IL9R: variants seen among roughly 807,000 people sequenced by gnomAD.
IL9R encodes interleukin-9 receptor.
A neutral mutation model predicts 56.3 loss-of-function variants in IL9R; 54 were observed. That is an observed-to-expected ratio of 0.96 (90% confidence interval 0.77 to 1.20). The LOEUF (loss-of-function observed/expected upper bound fraction) is 1.20, where lower values mean the gene tolerates loss of function less well. Ranked by LOEUF, IL9R falls within the 50% of genes most tolerant of loss-of-function variation. The pLI is 0.00. For synonymous variants in IL9R, 212 were observed against 250.2 expected, an observed-to-expected ratio of 0.85 and a Z score of 1.44; for missense variants, 545 against 629.8, an observed-to-expected ratio of 0.87 and a Z score of 1.44.
At chrX:156,004,672 G>A in intron 5 of IL9R, 107 bp downstream of exon 5, 1 of 1,144,102 alleles carries the variant, frequency 8.7e-7, no homozygotes, top group Non-Finnish European at 1.3e-6. Context: ...TGATGAGAAG[G>A]GAGGAACTAG....
Position 156,005,786 on chromosome X carries a change from T to C in IL9R, c.782-297T>C, listed in dbSNP as rs187272409. On this transcript the variant is annotated intron_variant, in intron 6 of 8. Coordinates refer to ENST00000244174, the MANE Select transcript of IL9R (RefSeq NM_002186.3). ...TGACCTCAGTGTCCTTAATGGGGGC[T>C]GGACTGACCCTTGCGCACTGCAGTG... 5.8e-3 allele frequency among the ~76,000 whole-genome samples: 889 copies of C among 152,186 alleles called. 7 individuals are homozygous for C. The highest frequency in any genetic ancestry group is 0.014 in the Middle Eastern group (4 of 294).
chrX:156,003,569 GGAGGGCCATGCCCACCTGGACAGGGAT>G lies in IL9R; in HGVS notation c.254+15_254+41del. On this transcript the variant is annotated intron_variant, in intron 3 of 8. Transcript: ENST00000244174. ...TGGCTCCTCTTCACCAGGTGAGCATGGAGGGCCATGCCCACCTGGACAGGGATGAGGGTGAGTTCCCCAGGATTGAAG... is the reference window on the plus strand; with the variant it reads ...TGGCTCCTCTTCACCAGGTGAGCATGGAGGGTGAGTTCCCCAGGATTGAAG... The G allele has an allele frequency of 6.2e-7, 1 of 1,610,846 alleles. No individual in the cohort carries two copies. The highest frequency in any genetic ancestry group is 1.1e-5 in the South Asian group (1 of 90,986).
intron 1 of IL9R, among the ~76,000 whole-genome samples, chrX:156,001,049 C>G (rs1320399465): frequency 1.3e-5 from 2 of 152,254 alleles, no homozygotes; most frequent in Admixed American, 6.5e-5. Flanking sequence ...GGCCATACCC[C>G]CTTGTCGCTG....
intron 7 of IL9R, among the ~76,000 whole-genome samples, chrX:156,007,250 C>G (rs1025093741): frequency 1.2e-3 from 169 of 140,220 alleles, no homozygotes; most frequent in Non-Finnish European, 2.2e-3. Flanking sequence ...ATCTGAGGAC[C>G]CAGCTAGTAA....
At chrX:156,002,455 C>A (rs1440184638) in intron 1 of IL9R, among the ~76,000 whole-genome samples, 3 of 152,314 alleles carry the variant, frequency 2.0e-5, no homozygotes, top group East Asian at 3.9e-4. Context: ...TTCTCCCTTA[C>A]AGAGCTGTTG....
At chrX:156,002,611 G>A (rs1013567855) in intron 1 of IL9R, among the ~76,000 whole-genome samples, 9 of 152,200 alleles carry the variant, frequency 5.9e-5, no homozygotes, top group African/African-American at 1.7e-4. Flanking sequence ...GAGTCTTCTC[G>A]GCAGATGTGG....
intron 1 of IL9R, among the ~76,000 whole-genome samples, chrX:155,998,752 A>T (rs1283272975): frequency 6.6e-6 from 1 of 151,848 alleles, no homozygotes; most frequent in African/African-American, 2.4e-5. Context: ...CAAACGGTTG[A>T]GTTGGGTGCA....
At chrX:155,998,804 C>T (rs185252353) in intron 1 of IL9R, among the ~76,000 whole-genome samples, 1 of 152,042 alleles carries the variant, frequency 6.6e-6, no homozygotes, top group Admixed American at 6.5e-5. Context: ...CTCCAGGAGC[C>T]TCATGTAGGG....
At chrX:156,005,242 A>C (rs1461681712) in intron 5 of IL9R, 36 bp from the exon 6 acceptor site, 12 of 1,590,836 alleles carry the variant, frequency 7.5e-6, no homozygotes, top group Admixed American at 1.7e-5. Context: ...ACCCAGCCCC[A>C]CCTTCACCAC....
intron 7 of IL9R, among the ~76,000 whole-genome samples, chrX:156,007,166 C>T (rs1426840796): frequency 7.0e-6 from 1 of 142,686 alleles, no homozygotes; most frequent in African/African-American, 2.6e-5. Context: ...CAGGGAGACA[C>T]TGGGTGGGGT....
At chrX:155,999,416 C>T (rs1326388770) in intron 1 of IL9R, among the ~76,000 whole-genome samples, 1 of 152,126 alleles carries the variant, frequency 6.6e-6, no homozygotes, top group East Asian at 1.9e-4. Context: ...GGTGCCATCT[C>T]TCTCCCACCC....
intron 5 of IL9R, 145 bp downstream of exon 5, chrX:156,004,710 C>T (rs1444507180): frequency 1.3e-6 from 1 of 787,796 alleles, no homozygotes; most frequent in Admixed American, 2.4e-5. Flanking sequence ...CACACACATG[C>T]TGGCATGCAG....
At chrX:155,999,641 C>T (rs1485357660) in intron 1 of IL9R, among the ~76,000 whole-genome samples, 1 of 152,154 alleles carries the variant, frequency 6.6e-6, no homozygotes, top group Non-Finnish European at 1.5e-5. Flanking sequence ...ATTTCCAGCA[C>T]CATTTTCTGG....
At chrX:155,998,502 C>T (rs1051812633) in intron 1 of IL9R, among the ~76,000 whole-genome samples, 2 of 152,124 alleles carry the variant, frequency 1.3e-5, no homozygotes, top group Non-Finnish European at 2.9e-5. Flanking sequence ...GTGATTTATG[C>T]TGTTCTGGGC....
intron 7 of IL9R, among the ~76,000 whole-genome samples, chrX:156,007,306 C>T (rs1213110542): frequency 1.2e-4 from 18 of 147,932 alleles, no homozygotes; most frequent in African/African-American, 2.8e-4. Flanking sequence ...GTAAAGGACG[C>T]GCGCCTCAGT....
intron 8 of IL9R, among the ~76,000 whole-genome samples, 194 bp from the exon 9 acceptor site, chrX:156,009,622 T>A (rs2068356390): frequency 7.1e-5 from 10 of 139,936 alleles, no homozygotes; most frequent in Admixed American, 6.9e-4. Context: ...GGTCCCGTGA[T>A]GAGGCTGGGC....
At chrX:156,004,397 C>G in intron 4 of IL9R, 23 bp from the exon 5 acceptor site, 1 of 1,613,612 alleles carries the variant, frequency 6.2e-7, no homozygotes, top group Non-Finnish European at 8.5e-7. Flanking sequence ...GCTTCAGCCT[C>G]ACATGGATTC....
intron 1 of IL9R, 77 bp from the exon 2 acceptor site, chrX:156,002,829 G>T: frequency 6.2e-7 from 1 of 1,608,476 alleles, no homozygotes; most frequent in African/African-American, 1.3e-5. Flanking sequence ...GGAGCACTCT[G>T]CTGGGGAGCA....
chrX:156,004,411 CTG>C lies in IL9R; in HGVS notation c.434-7_434-6del, dbSNP rs767470226. ...GGCTTCAGCCTCACATGGATTCACT[CTG>C]TTCCAGTTAAGCTGGACCCGCCCTC... On this transcript the variant is annotated splice_region_variant and splice_polypyrimidine_tract_variant and intron_variant, in intron 4 of 8. Transcript: ENST00000244174. 1.9e-6 allele frequency: 3 copies of C among 1,613,852 alleles called. No individual in the cohort carries two copies. The highest frequency in any genetic ancestry group is 3.3e-5 in the Admixed American group (2 of 60,010).
Sources: gnomAD v4.1 joint callset for allele counts (sites outside exome capture counted in the v4.1 genomes callset) on GRCh38, gnomAD v4.1.1 for gene constraint, MANE v1.5 for transcripts, NCBI Gene and HGNC (gene_info 2026-07-23, HGNC 2026-07-21) for gene names.